The following ABCA5 variants were observed in gnomAD, a reference collection of about 807,000 sequenced individuals.
ABCA5 encodes the protein ATP binding cassette subfamily A member 5, also known as cholesterol transporter ABCA5.
A neutral mutation model predicts 206.0 loss-of-function variants in ABCA5; 163 were observed. That is an observed-to-expected ratio of 0.79 (90% CI 0.70 to 0.90). The LOEUF is 0.90. Ranked by LOEUF, ABCA5 falls within the 40% of genes least tolerant of loss-of-function variation. The probability of loss-of-function intolerance (pLI) is 0.00; values close to 1 mark genes in which losing one functional copy is unlikely to be tolerated. For synonymous variants in ABCA5, 609 were observed against 613.8 expected, an observed-to-expected ratio of 0.99 and a Z score of 0.11; for missense variants, 1,859 against 1,912.9, an observed-to-expected ratio of 0.97 and a Z score of 0.53.
intron 28 of ABCA5, among the ~76,000 whole-genome samples, chr17:69,257,414 C>CAG (rs898254262): frequency 2.0e-5 from 3 of 150,552 alleles, no homozygotes; most frequent in Non-Finnish European, 4.4e-5. Context: ...TTAAAGCCTG[C>CAG]AGATTAGTTA....
At position 69,250,545 on chromosome 17, in the gene ABCA5, TC is replaced by T; in HGVS notation, c.4611del (p.Trp1537Ter). ...GYFLEIKLKD[W>X]IENLEVDRLQ... ...AGGCGGTCTACTTCTAGGTTTTCTA[TC>T]CAGTCCTTCAATTTAATTTCCAAAA... On this transcript the variant is annotated frameshift_variant, in exon 36 of 39. Coordinates refer to ENST00000392676, the MANE Select transcript of ABCA5 (RefSeq NM_172232.4). LOFTEE classifies it high-confidence loss of function. 6.2e-7 allele frequency: 1 copy of T among 1,605,900 alleles called. No individual in the cohort carries two copies. Among genetic ancestry groups the T allele is most frequent in the Non-Finnish European group, 8.5e-7 (1 of 1,177,256 alleles).
intron 9 of ABCA5, among the ~76,000 whole-genome samples, chr17:69,298,309 A>AAAGAGAGG (rs1265206775): frequency 9.2e-6 from 1 of 109,004 alleles, no homozygotes; most frequent in African/African-American, 3.3e-5. Flanking sequence ...AGAAAGAAAG[A>AAAGAGAGG]GAGAGAGAGG....
intron 24 of ABCA5, among the ~76,000 whole-genome samples, chr17:69,262,899 G>T (rs1598156309): frequency 1.3e-5 from 2 of 152,140 alleles, no homozygotes; most frequent in East Asian, 3.9e-4. Context: ...GCCAGCATCT[G>T]TTGGTTTTGA....
Position 69,290,014 on chromosome 17 carries a change from T to C in ABCA5, c.1630A>G (p.Arg544Gly), listed in dbSNP as rs953435555. Residue 544 changes from arginine to glycine, a missense_variant, in exon 13 of 39, where the codon AGA becomes GGA. Transcript: ENST00000392676. ...AACATTTCATCTATTTCTGAGACTC[T>C]GTGTCCATATATAGATGCAAACCCT... ...SDGFASIYGH[R>G]VSEIDEMFEA... 4.4e-6 allele frequency: 7 copies of C among 1,608,892 alleles called. No individual in the cohort carries two copies. The African/African-American group carries it at 8.0e-5, about 18-fold the overall frequency.
intron 1 of ABCA5, among the ~76,000 whole-genome samples, chr17:69,320,722 C>T (rs996407360): frequency 1.3e-5 from 2 of 152,302 alleles, no homozygotes; most frequent in African/African-American, 2.4e-5. Context: ...AACCCAACAA[C>T]GTACCTATTC....
chr17:69,311,560 G>A (rs1276915866), intron 3 of ABCA5, among the ~76,000 whole-genome samples: 1 of 152,080 alleles, frequency 6.6e-6, no homozygotes, highest in Non-Finnish European at 1.5e-5. Context: ...TACAATCTCA[G>A]CTCACTGCAA....
At chr17:69,300,279 T>C (rs1365767512) in intron 9 of ABCA5, among the ~76,000 whole-genome samples, 1 of 152,162 alleles carries the variant, frequency 6.6e-6, no homozygotes, top group Non-Finnish European at 1.5e-5. Flanking sequence ...CCTATGAGAA[T>C]TGAATGCTGC....
chr17:69,273,270 A>T (rs1045908717), intron 20 of ABCA5, among the ~76,000 whole-genome samples: 1 of 152,006 alleles, frequency 6.6e-6, no homozygotes, highest in Non-Finnish European at 1.5e-5. Context: ...AAACACTTCT[A>T]TGCAGACACA....
At chr17:69,289,766 A>G (rs2075503596) in intron 13 of ABCA5, 96 bp downstream of exon 13, 1 of 951,194 alleles carries the variant, frequency 1.1e-6, no homozygotes, top group African/African-American at 1.7e-5. Flanking sequence ...CAAGTGTTAT[A>G]TTTAGATTTT....
chr17:69,265,641 C>G (rs921484026), intron 23 of ABCA5, among the ~76,000 whole-genome samples: 2 of 151,772 alleles, frequency 1.3e-5, no homozygotes, highest in African/African-American at 4.8e-5. Flanking sequence ...GAGCTGTCCA[C>G]AGAGATAAAG....
intron 24 of ABCA5, among the ~76,000 whole-genome samples, chr17:69,263,716 A>ATTTTTTTTTTTTTTTTTTTTTT (rs1239436337): frequency 6.4e-5 from 1 of 15,730 alleles, no homozygotes; most frequent in Non-Finnish European, 1.5e-4. Flanking sequence ...TTTTTTTTTG[A>ATTTTTTTTTTTTTTTTTTTTTT]TAAAAAGTCT....
chr17:69,300,158 G>A (rs190273096), intron 9 of ABCA5, among the ~76,000 whole-genome samples: 22 of 152,300 alleles, frequency 1.4e-4, no homozygotes, highest in South Asian at 8.3e-4. Context: ...CAACTAGGCG[G>A]TCCCATCTGG....
intron 38 of ABCA5, among the ~76,000 whole-genome samples, chr17:69,247,924 ACTTT>A (rs2074970342): frequency 6.6e-6 from 1 of 152,068 alleles, no homozygotes; most frequent in African/African-American, 2.4e-5. Flanking sequence ...ATCATGACTC[ACTTT>A]CTTTACAAAA....
Position 69,302,793 on chromosome 17 carries a change from T to C in ABCA5, c.1044A>G (p.Ile348Met). ...ACACTAACGATTTGGGAAAACTTTC[T>C]ATGAGGATTATCATAAGGCCAATAA... is the stretch of plus-strand genomic sequence containing the variant. Reference protein sequence around the residue: ...FGFIGLMIILIESFPKSLVWL... With the variant: ...FGFIGLMIILMESFPKSLVWL... The change falls in exon 8 of 39, where the codon ATA (isoleucine) becomes ATG (methionine). Residue 348 changes from isoleucine to methionine, a missense_variant. Transcript: ENST00000392676. 1 of 1,601,256 alleles carries C rather than the reference T, an allele frequency of 6.2e-7. No individual in the cohort carries two copies.
At position 69,247,605 on chromosome 17, in the gene ABCA5, T is replaced by G; in HGVS notation, c.4861A>C (p.Asn1621His). The change falls in exon 39 of 39, where the codon AAT (asparagine) becomes CAT (histidine). Residue 1621 changes from asparagine (N) to histidine (H), a missense_variant. Asn to His is a moderately conservative substitution (Grantham distance 68). Coordinates refer to ENST00000392676, the MANE Select transcript of ABCA5 (RefSeq NM_172232.4). Reference protein sequence around the residue: ...ELTKEQEEEDNSCGTLNSTLW... With the variant: ...ELTKEQEEEDHSCGTLNSTLW... ...GTGCTGTTTAAAGTTCCACAACTAT[T>G]ATCTTCCTCCTCTTGTTCTTTAGTG... is the stretch of plus-strand genomic sequence containing the variant. 5 of 1,611,162 alleles carry G rather than the reference T, an allele frequency of 3.1e-6. No homozygotes were observed. Among genetic ancestry groups the G allele is most frequent in the Non-Finnish European group, 4.2e-6 (5 of 1,178,804 alleles).
chr17:69,305,303 G>A (rs2075704884), intron 6 of ABCA5, among the ~76,000 whole-genome samples: 1 of 152,144 alleles, frequency 6.6e-6, no homozygotes, highest in Admixed American at 6.6e-5. Context: ...GATCAGTAAT[G>A]AATTCACTAT....
intron 6 of ABCA5, among the ~76,000 whole-genome samples, chr17:69,306,218 A>G (rs565286922): frequency 4.9e-4 from 75 of 152,290 alleles, no homozygotes; most frequent in African/African-American, 1.6e-3. Context: ...AATTATTTCC[A>G]TATTCATCTT....
At chr17:69,292,720 C>T (rs1393064303) in intron 11 of ABCA5, among the ~76,000 whole-genome samples, 5 of 152,038 alleles carry the variant, frequency 3.3e-5, no homozygotes, top group East Asian at 3.9e-4. Flanking sequence ...AATAAAAAGA[C>T]GTGAAAAGCA....
Position 69,256,244 on chromosome 17 carries a change from T to A in ABCA5, c.3771A>T (p.Glu1257Asp). ...CATCTTCATCCTCATTGTCTGGTGG[T>A]TCTGGAAGCTTCCTATTTTTAGACT... The part of the protein sequence containing the change: ...STKSKNRKLP[E>D]PPDNEDEDED... The change falls in exon 29 of 39, where the codon GAA (glutamate) becomes GAT (aspartate). Residue 1257 changes from glutamate to aspartate, a missense_variant. Glu to Asp is a conservative substitution (Grantham distance 45, BLOSUM62 2). Transcript: ENST00000392676. 1 of 1,607,152 alleles carries A rather than the reference T, an allele frequency of 6.2e-7. No individual in the cohort carries two copies. The highest frequency in any genetic ancestry group is 1.3e-5 in the African/African-American group (1 of 74,800).
Sources: allele counts gnomAD v4.1 joint callset (sites outside exome capture counted in the v4.1 genomes callset), GRCh38; gene constraint gnomAD v4.1.1; transcripts MANE v1.5; gene names NCBI Gene and HGNC (gene_info 2026-07-23, HGNC 2026-07-21).